DCC: variants seen among roughly 807,000 people sequenced by gnomAD.
The protein encoded by DCC is DCC netrin 1 receptor, also known as netrin receptor DCC.
A neutral mutation model predicts 172.5 loss-of-function variants in DCC; 58 were observed. That is an observed-to-expected ratio of 0.34 (90% CI 0.27 to 0.42). The LOEUF (loss-of-function observed/expected upper bound fraction) is 0.42, where lower values mean the gene tolerates loss of function less well. Among genes scored for constraint, DCC ranks in the 10% least tolerant of loss-of-function variants. DCC has a pLI of 1.00. For missense variants in DCC, 1,740 were observed against 1,791.0 expected (o/e 0.97, Z 0.51); for synonymous variants, 709 against 644.5 (o/e 1.10, Z -1.52).
intron 12 of DCC, among the ~76,000 whole-genome samples, chr18:53,277,578 C>A (rs1179043452): frequency 6.6e-6 from 1 of 152,130 alleles, no homozygotes; most frequent in Non-Finnish European, 1.5e-5. Context: ...CCTGTCCTTT[C>A]GTCTCCTCCC....
chr18:53,206,374 CAT>C (rs1336374324), intron 10 of DCC, among the ~76,000 whole-genome samples: 4 of 36,778 alleles, frequency 1.1e-4, no homozygotes, highest in Non-Finnish European at 2.9e-4. Context: ...TATTGTAACA[CAT>C]ATATGTATAT....
At position 53,065,163 on chromosome 18, in the gene DCC, G is replaced by C. The variant is rs1227908057; in HGVS notation, c.1141-883G>C. Among the ~76,000 whole-genome samples the C allele has an allele frequency of 2.0e-5, 3 of 152,138 alleles. No homozygotes were observed. In the South Asian group the frequency reaches 6.2e-4, roughly 32 times the overall value. ...AAAATTCTTAATTAGAAGTTAGCCA[G>C]TTTTATCAAAGAATTTTACATCAGC... On this transcript the variant is annotated intron_variant, in intron 6 of 28. Coordinates refer to ENST00000442544, the MANE Select transcript of DCC (RefSeq NM_005215.4).
intron 9 of DCC, among the ~76,000 whole-genome samples, chr18:53,185,627 T>C (rs771501307): frequency 7.9e-5 from 12 of 152,170 alleles, no homozygotes; most frequent in Non-Finnish European, 1.3e-4. Context: ...GGCTACTGTA[T>C]TGGAGATCAC....
At chr18:52,996,778 T>C (rs1246675655) in intron 5 of DCC, among the ~76,000 whole-genome samples, 8 of 148,472 alleles carry the variant, frequency 5.4e-5, no homozygotes, top group Admixed American at 1.3e-4. Flanking sequence ...TTTTCTTTTT[T>C]TTTTTTTTTT....
At chr18:53,319,932 G>A (rs1484143371) in intron 13 of DCC, among the ~76,000 whole-genome samples, 2 of 152,140 alleles carry the variant, frequency 1.3e-5, no homozygotes, top group Admixed American at 6.5e-5. Flanking sequence ...ATAACTGGGT[G>A]CTGTAGCCAC....
intron 2 of DCC, among the ~76,000 whole-genome samples, chr18:52,800,744 A>T (rs2037969829): frequency 6.6e-6 from 1 of 152,236 alleles, no homozygotes; most frequent in Admixed American, 6.5e-5. Flanking sequence ...GAGGCTGCAG[A>T]GTATAGTAGA....
chr18:53,222,356 CCTTTTTCTTTTTT>C (rs1389316933), intron 12 of DCC, among the ~76,000 whole-genome samples: 6,942 of 145,056 alleles, frequency 0.048, 201 homozygotes, highest in Non-Finnish European at 0.06. Context: ...AGAATACTTA[CCTTTTTCTTTTTT>C]CTTTTTCTTT....
intron 7 of DCC, among the ~76,000 whole-genome samples, chr18:53,091,578 G>A (rs937863891): frequency 2.6e-5 from 4 of 151,352 alleles, no homozygotes; most frequent in Non-Finnish European, 5.9e-5. Context: ...CCCTTTTCTG[G>A]GCTGCAGACT....
rs189579668 is a variant in DCC, at chr18:52,501,627, G to A, written c.91+160749G>A. Among the ~76,000 whole-genome samples the A allele has an allele frequency of 1.6e-3, 251 of 152,248 alleles. 1 individual carries two copies. The highest frequency in any genetic ancestry group is 5.7e-3 in the African/African-American group (238 of 41,544). On this transcript the variant is annotated intron_variant, in intron 1 of 28. Transcript: ENST00000442544. Reference sequence around the variant, plus strand: ...ATGAGGAAACTGTATCACAGAGTACGGAAGTGGCATGTTGGAGAACGCTAC... The same window carrying A: ...ATGAGGAAACTGTATCACAGAGTACAGAAGTGGCATGTTGGAGAACGCTAC...
intron 2 of DCC, among the ~76,000 whole-genome samples, chr18:52,766,098 A>G (rs2037247246): frequency 1.3e-5 from 2 of 152,228 alleles, no homozygotes; most frequent in African/African-American, 4.8e-5. Context: ...CACAAGTGCT[A>G]GAACCAGTCG....
intron 2 of DCC, among the ~76,000 whole-genome samples, chr18:52,780,991 A>T (rs2037530104): frequency 6.6e-6 from 1 of 152,204 alleles, no homozygotes; most frequent in Admixed American, 6.5e-5. Flanking sequence ...AAGACAGATT[A>T]ACAAGAAAAA....
intron 5 of DCC, among the ~76,000 whole-genome samples, chr18:53,022,514 T>A (rs1213258471): frequency 1.3e-5 from 2 of 148,756 alleles, no homozygotes; most frequent in Non-Finnish European, 3.0e-5. Flanking sequence ...CATACATATA[T>A]ATGTTCAGTA....
At chr18:53,399,238 G>A (rs1909148988) in intron 18 of DCC, among the ~76,000 whole-genome samples, 3 of 152,074 alleles carry the variant, frequency 2.0e-5, no homozygotes, top group African/African-American at 4.8e-5. Context: ...ATCCCTTCAA[G>A]GTGCTACCAT....
intron 17 of DCC, among the ~76,000 whole-genome samples, chr18:53,396,308 T>G (rs1908939985): frequency 6.6e-6 from 1 of 152,208 alleles, no homozygotes; most frequent in African/African-American, 2.4e-5. Flanking sequence ...AGTCCCATTT[T>G]TTTTGCTTAT....
intron 2 of DCC, among the ~76,000 whole-genome samples, chr18:52,857,295 T>G (rs1280112538): frequency 6.6e-6 from 1 of 152,234 alleles, no homozygotes; most frequent in African/African-American, 2.4e-5. Flanking sequence ...AGATACATGC[T>G]AATGGATGGG....
intron 7 of DCC, among the ~76,000 whole-genome samples, chr18:53,095,792 CTTTTTTT>C (rs71175552): frequency 4.0e-5 from 5 of 126,252 alleles, no homozygotes; most frequent in African/African-American, 1.5e-4. Flanking sequence ...ATATGGATAT[CTTTTTTT>C]TTTTTTTTTT....
chr18:53,402,680 A>T, intron 18 of DCC, 106 bp from the exon 19 acceptor site: 1 of 861,966 alleles, frequency 1.2e-6, no homozygotes, highest in South Asian at 1.3e-5. Context: ...TAGACATGAT[A>T]TACTTCTTGA....
chr18:52,986,744 A>G (rs1206450621), intron 5 of DCC, among the ~76,000 whole-genome samples: 1 of 152,104 alleles, frequency 6.6e-6, no homozygotes, highest in South Asian at 2.1e-4. Flanking sequence ...ACACATATAT[A>G]TACACACACA....
At chr18:53,364,209 ACT>A (rs758308040) in intron 15 of DCC, among the ~76,000 whole-genome samples, 2 of 151,906 alleles carry the variant, frequency 1.3e-5, no homozygotes, top group Non-Finnish European at 1.5e-5. Context: ...CACATAATAG[ACT>A]CTCTCCAGTC....
Sources: allele counts gnomAD v4.1 joint callset (sites outside exome capture counted in the v4.1 genomes callset), GRCh38; gene constraint gnomAD v4.1.1; transcripts MANE v1.5; gene names NCBI Gene and HGNC (gene_info 2026-07-23, HGNC 2026-07-21).